AOAH: variants seen among roughly 807,000 people sequenced by gnomAD.
AOAH encodes the protein acyloxyacyl hydrolase (neutrophil).
AOAH carries 64 observed loss-of-function variants against 92.2 expected under a neutral mutation model. The ratio of observed to expected loss-of-function variants is 0.69; its 90% CI spans 0.57 to 0.86. The LOEUF (loss-of-function observed/expected upper bound fraction) is 0.86, where lower values mean the gene tolerates loss of function less well. Among genes scored for constraint, AOAH ranks in the 40% least tolerant of loss-of-function variants. AOAH has a pLI of 0.00. For synonymous variants in AOAH, 263 were observed against 254.5 expected (o/e 1.03, Z -0.32); for missense variants, 656 against 694.6 (o/e 0.94, Z 0.62).
chr7:36,637,544 T>C (rs1433116813), intron 5 of AOAH, among the ~76,000 whole-genome samples: 2 of 151,952 alleles, frequency 1.3e-5, no homozygotes, highest in Non-Finnish European at 2.9e-5. Flanking sequence ...ATGGTGGTGC[T>C]GCTGGCATCT....
rs748997190 is a variant in AOAH, at chr7:36,548,650, G to A, written c.1095C>T (p.Ile365=). The change falls in exon 15 of 21, where the codon ATC becomes ATT. Residue 365 remains isoleucine, a synonymous_variant. Transcript: ENST00000617537. ...SRNKVLDYPA[I]VIYAMIGNDV... ...CATTTCCAATCATGGCATATATAAC[G>A]ATGGCGGGATAGTCCAACACCTTGT... The A allele has an allele frequency of 1.2e-5, 19 of 1,613,490 alleles. No individual in the cohort carries two copies. Among genetic ancestry groups the A allele is most frequent in the Admixed American group, 1.7e-5 (1 of 59,970 alleles).
intron 2 of AOAH, among the ~76,000 whole-genome samples, chr7:36,681,234 A>G (rs1796624640): frequency 6.6e-6 from 1 of 152,182 alleles, no homozygotes; most frequent in Non-Finnish European, 1.5e-5. Context: ...TTCTTCTGTA[A>G]CTCGGAGATG....
intron 2 of AOAH, among the ~76,000 whole-genome samples, chr7:36,678,550 A>AGT (rs529261307): frequency 0.028 from 3,313 of 118,834 alleles, 73 homozygotes; most frequent in Middle Eastern, 0.068. Flanking sequence ...TAAGATAAGC[A>AGT]GTGTGTGTGT....
chr7:36,674,985 C>T (rs964941989), intron 2 of AOAH, among the ~76,000 whole-genome samples: 16 of 152,224 alleles, frequency 1.1e-4, no homozygotes, highest in African/African-American at 3.6e-4. Flanking sequence ...CTGGGTGCAG[C>T]GGCTCACGCC....
intron 3 of AOAH, among the ~76,000 whole-genome samples, chr7:36,665,890 G>A (rs1795505491): frequency 6.6e-6 from 1 of 151,912 alleles, no homozygotes; most frequent in Admixed American, 6.6e-5. Context: ...TGTATATTTA[G>A]GATAAATCTC....
chr7:36,632,233 T>A (rs1793171760), intron 5 of AOAH, 127 bp from the exon 6 acceptor site: 1 of 739,868 alleles, frequency 1.4e-6, no homozygotes, highest in Non-Finnish European at 2.2e-6. Flanking sequence ...CCATTTCACC[T>A]CTCTAAATTT....
intron 6 of AOAH, among the ~76,000 whole-genome samples, chr7:36,626,101 CA>C (rs1391310486): frequency 2.0e-5 from 3 of 152,082 alleles, no homozygotes; most frequent in Non-Finnish European, 2.9e-5. Flanking sequence ...GCCTCTTGGA[CA>C]GCGTGTATTT....
chr7:36,588,049 T>A (rs558592162), intron 12 of AOAH, among the ~76,000 whole-genome samples: 1 of 152,360 alleles, frequency 6.6e-6, no homozygotes, highest in South Asian at 2.1e-4. Context: ...AAATGCTTTA[T>A]GCATATTTCA....
chr7:36,640,848 G>A (rs918004991), intron 4 of AOAH, among the ~76,000 whole-genome samples: 6 of 152,168 alleles, frequency 3.9e-5, no homozygotes, highest in Admixed American at 2.6e-4. Flanking sequence ...CAGCCTGGCC[G>A]ACTTGAAGCC....
intron 16 of AOAH, 49 bp from the exon 17 acceptor site, chr7:36,532,393 C>T: frequency 6.4e-7 from 1 of 1,571,742 alleles, no homozygotes; most frequent in Non-Finnish European, 8.7e-7. Context: ...GCAATAGCAG[C>T]ATTTAGAGGC....
chr7:36,683,903 A>C (rs1796804680), intron 2 of AOAH, among the ~76,000 whole-genome samples: 1 of 152,026 alleles, frequency 6.6e-6, no homozygotes, highest in Non-Finnish European at 1.5e-5. Flanking sequence ...CTGAGGCAGG[A>C]GAATCACTTG....
At chr7:36,720,192 C>T (rs1799527031) in intron 1 of AOAH, among the ~76,000 whole-genome samples, 1 of 151,920 alleles carries the variant, frequency 6.6e-6, no homozygotes, top group Non-Finnish European at 1.5e-5. Context: ...CTCTGTCGCC[C>T]AGGCTGGAGC....
chr7:36,513,452 G>A (rs1011118254), intron 20 of AOAH, 72 bp from the exon 21 acceptor site: 15 of 1,506,102 alleles, frequency 1.0e-5, no homozygotes, highest in East Asian at 9.1e-5. Flanking sequence ...GATTTCCCAC[G>A]TGCTTTCTGC....
At chr7:36,654,404 A>T (rs941488756) in intron 4 of AOAH, among the ~76,000 whole-genome samples, 2 of 152,114 alleles carry the variant, frequency 1.3e-5, no homozygotes, top group Non-Finnish European at 2.9e-5. Flanking sequence ...TTTTGAGCAC[A>T]CAGTAGATAG....
intron 1 of AOAH, among the ~76,000 whole-genome samples, chr7:36,699,575 T>C (rs1289289164): frequency 6.6e-6 from 1 of 151,994 alleles, no homozygotes; most frequent in Non-Finnish European, 1.5e-5. Context: ...GTTGTCCATG[T>C]ATATGTCTTT....
intron 9 of AOAH, 25 bp downstream of exon 9, chr7:36,620,756 G>A (rs1289729305): frequency 3.1e-6 from 5 of 1,611,502 alleles, no homozygotes; most frequent in Non-Finnish European, 4.2e-6. Flanking sequence ...GGAGAATGGG[G>A]TTCAAGCTGA....
chr7:36,640,819 C>G (rs1317292811), intron 4 of AOAH, among the ~76,000 whole-genome samples: 1 of 152,126 alleles, frequency 6.6e-6, no homozygotes, highest in Admixed American at 6.5e-5. Flanking sequence ...GGGCATCACC[C>G]AAGGCTAGAG....
intron 1 of AOAH, among the ~76,000 whole-genome samples, chr7:36,704,836 A>G (rs1798286829): frequency 6.6e-6 from 1 of 152,238 alleles, no homozygotes; most frequent in South Asian, 2.1e-4. Context: ...AGGCTGGTTC[A>G]ACATATGCAA....
chr7:36,620,968 A>G, intron 8 of AOAH, 139 bp from the exon 9 acceptor site: 1 of 748,444 alleles, frequency 1.3e-6, no homozygotes, highest in South Asian at 1.8e-5. Flanking sequence ...TTCATGGAAT[A>G]GCATCACATC....
Sources: allele counts gnomAD v4.1 joint callset (sites outside exome capture counted in the v4.1 genomes callset), GRCh38; gene constraint gnomAD v4.1.1; transcripts MANE v1.5; gene names NCBI Gene and HGNC (gene_info 2026-07-23, HGNC 2026-07-21).